The following HTR1F variants were observed in gnomAD, a reference collection of about 807,000 sequenced individuals.
HTR1F encodes the protein 5-hydroxytryptamine receptor 1F.
In HTR1F, 17 loss-of-function variants were observed where a neutral mutation model predicts 24.0. That is an observed-to-expected ratio of 0.71 (90% confidence interval 0.48 to 1.06). The LOEUF is 1.06. Ranked by LOEUF, HTR1F falls within the 50% of genes least tolerant of loss-of-function variation. HTR1F has a pLI of 0.00. For missense variants in HTR1F, 391 were observed against 427.8 expected (o/e 0.91, Z 0.76); for synonymous variants, 186 against 156.8 (o/e 1.19, Z -1.39).
chr3:87,988,104 T>C lies in HTR1F; in HGVS notation c.-42-2604T>C, dbSNP rs561766048. 2.0e-5 allele frequency among the ~76,000 whole-genome samples: 3 copies of C among 152,046 alleles called. No individual in the cohort carries two copies. The East Asian group carries it at 5.8e-4, about 29-fold the overall frequency. ...ATCACCCGGGAACTTGCTAGGAATG[T>C]AGATTTTAGAGCCCCAAGCTCACCA... On this transcript the variant is annotated intron_variant, in intron 2 of 2. Transcript: ENST00000319595.
At chr3:87,842,679 G>C (rs1352270239) in intron 2 of HTR1F, among the ~76,000 whole-genome samples, 1 of 151,886 alleles carries the variant, frequency 6.6e-6, no homozygotes, top group African/African-American at 2.4e-5. Flanking sequence ...AATTTCTAAT[G>C]TAAAACAGTA....
chr3:87,820,239 G>T (rs1397695082), intron 1 of HTR1F, among the ~76,000 whole-genome samples: 1 of 148,022 alleles, frequency 6.8e-6, no homozygotes, highest in South Asian at 2.2e-4. Flanking sequence ...TGCAGTGGCA[G>T]GATCTCGGCT....
intron 2 of HTR1F, among the ~76,000 whole-genome samples, chr3:87,855,849 A>T (rs1395839268): frequency 6.6e-6 from 1 of 152,036 alleles, no homozygotes. Context: ...CTTTCTGCCT[A>T]TTAGTCACAA....
At chr3:87,860,356 CTATTTGAGGCATAACA>C (rs1705291290) in intron 2 of HTR1F, among the ~76,000 whole-genome samples, 1 of 152,066 alleles carries the variant, frequency 6.6e-6, no homozygotes, top group Non-Finnish European at 1.5e-5. Flanking sequence ...GTTTTTGTTG[CTATTTGAGGCATAACA>C]TACACTGGAT....
At chr3:87,832,699 A>C (rs1056689267) in intron 2 of HTR1F, among the ~76,000 whole-genome samples, 6 of 152,212 alleles carry the variant, frequency 3.9e-5, no homozygotes, top group African/African-American at 1.4e-4. Flanking sequence ...ATACAGACCA[A>C]AACTTTGGCC....
At chr3:87,924,037 T>C (rs1056141285) in intron 2 of HTR1F, among the ~76,000 whole-genome samples, 1 of 152,110 alleles carries the variant, frequency 6.6e-6, no homozygotes, top group African/African-American at 2.4e-5. Flanking sequence ...TCTCAACTGT[T>C]TGATTTTTTG....
rs185507931 is a variant in HTR1F, at chr3:87,932,015, G to T, written c.-42-58693G>T. ...AGGTTGCCTGTTCACTCTGATGGTA[G>T]TTTCTTTTGCTGTGCAGAAGCTCTC... is the stretch of plus-strand genomic sequence containing the variant. On this transcript the variant is annotated intron_variant, in intron 2 of 2. Coordinates refer to ENST00000319595, the MANE Select transcript of HTR1F (RefSeq NM_001322209.2). Among the ~76,000 whole-genome samples, 5 of 152,248 alleles carry T rather than the reference G, an allele frequency of 3.3e-5. No homozygotes were observed. The East Asian group carries it at 9.6e-4, about 29-fold the overall frequency.
At chr3:87,973,400 C>T (rs1705328643) in intron 2 of HTR1F, among the ~76,000 whole-genome samples, 1 of 152,192 alleles carries the variant, frequency 6.6e-6, no homozygotes, top group Non-Finnish European at 1.5e-5. Context: ...AATGCTCTCT[C>T]TGCAGCCTGC....
intron 2 of HTR1F, among the ~76,000 whole-genome samples, chr3:87,970,530 T>C (rs1437603527): frequency 2.6e-5 from 4 of 152,194 alleles, no homozygotes; most frequent in Non-Finnish European, 5.9e-5. Context: ...GGAGCTATTC[T>C]AAAATAATTT....
At chr3:87,945,664 TG>T (rs1489671318) in intron 2 of HTR1F, among the ~76,000 whole-genome samples, 1 of 152,030 alleles carries the variant, frequency 6.6e-6, no homozygotes, top group African/African-American at 2.4e-5. Context: ...CCAGAAGGGC[TG>T]GGGGTTGTTG....
chr3:87,909,947 T>C (rs569959074), intron 2 of HTR1F, among the ~76,000 whole-genome samples: 9 of 152,174 alleles, frequency 5.9e-5, no homozygotes, highest in Non-Finnish European at 5.9e-5. Context: ...GATTAATACA[T>C]ATTAACCGAT....
intron 2 of HTR1F, among the ~76,000 whole-genome samples, chr3:87,905,916 A>C (rs984129431): frequency 1.3e-5 from 2 of 152,060 alleles, no homozygotes; most frequent in African/African-American, 4.8e-5. Flanking sequence ...AGTCAAGACA[A>C]TGATTCCCAT....
At chr3:87,813,508 T>C (rs1416223287) in intron 1 of HTR1F, among the ~76,000 whole-genome samples, 1 of 152,130 alleles carries the variant, frequency 6.6e-6, no homozygotes, top group Non-Finnish European at 1.5e-5. Flanking sequence ...TGTGGACTTG[T>C]GAGTTAATGC....
chr3:87,831,852 C>T (rs1704587320), intron 2 of HTR1F, among the ~76,000 whole-genome samples: 1 of 152,098 alleles, frequency 6.6e-6, no homozygotes, highest in Non-Finnish European at 1.5e-5. Flanking sequence ...ATCTTTGACA[C>T]ATGTTTATTT....
intron 2 of HTR1F, among the ~76,000 whole-genome samples, chr3:87,936,956 A>G (rs1704435540): frequency 6.6e-6 from 1 of 152,000 alleles, no homozygotes; most frequent in Non-Finnish European, 1.5e-5. Flanking sequence ...CAGACCAATA[A>G]TGAGCTCCAA....
intron 2 of HTR1F, among the ~76,000 whole-genome samples, chr3:87,843,929 G>C (rs1343999875): frequency 3.3e-5 from 5 of 151,362 alleles, no homozygotes; most frequent in Non-Finnish European, 4.4e-5. Flanking sequence ...GTCTATCATT[G>C]TTGGACATTT....
intron 2 of HTR1F, among the ~76,000 whole-genome samples, chr3:87,880,387 A>G (rs554963423): frequency 6.6e-6 from 1 of 152,212 alleles, no homozygotes; most frequent in Non-Finnish European, 1.5e-5. Context: ...TCTTTAAAAG[A>G]CATCATCAGC....
At chr3:87,860,889 G>T (rs1386425078) in intron 2 of HTR1F, among the ~76,000 whole-genome samples, 1 of 152,174 alleles carries the variant, frequency 6.6e-6, no homozygotes, top group Non-Finnish European at 1.5e-5. Flanking sequence ...CAGGTGCAGT[G>T]GCTCATGCCT....
chr3:87,931,035 T>C (rs1055063642), intron 2 of HTR1F, among the ~76,000 whole-genome samples: 1 of 116,672 alleles, frequency 8.6e-6, no homozygotes, highest in Admixed American at 8.2e-5. Flanking sequence ...CCTTTTTTTT[T>C]TTTTTTTTTT....
Sources: allele counts gnomAD v4.1 joint callset (sites outside exome capture counted in the v4.1 genomes callset), GRCh38; gene constraint gnomAD v4.1.1; transcripts MANE v1.5; gene names NCBI Gene and HGNC (gene_info 2026-07-23, HGNC 2026-07-21).